The following ABCA8 variants were observed in gnomAD, a reference collection of about 807,000 sequenced individuals.
ABCA8 encodes the protein ATP binding cassette subfamily A member 8.
Under a neutral mutation model 192.3 loss-of-function variants are expected in ABCA8, and 177 were observed. That is an observed-to-expected ratio of 0.92 (90% confidence interval 0.81 to 1.04). ABCA8 has a LOEUF of 1.04. Among genes scored for constraint, ABCA8 ranks in the 50% least tolerant of loss-of-function variants. ABCA8 has a pLI of 0.00. For synonymous variants in ABCA8, 642 were observed against 690.2 expected (o/e 0.93, Z 1.09); for missense variants, 1,915 against 1,904.8 (o/e 1.01, Z -0.10).
At chr17:68,919,600 C>A in intron 13 of ABCA8, 124 bp from the exon 14 acceptor site, 1 of 831,426 alleles carries the variant, frequency 1.2e-6, no homozygotes, top group Non-Finnish European at 1.8e-6. Context: ...TTAGAAACTT[C>A]TACTTTAGTT....
intron 10 of ABCA8, among the ~76,000 whole-genome samples, chr17:68,925,638 C>T (rs536776341): frequency 6.6e-6 from 1 of 152,322 alleles, no homozygotes; most frequent in South Asian, 2.1e-4. Context: ...GTATTTCTCA[C>T]ATGTTCAGTC....
At chr17:68,914,363 G>A (rs180800730) in intron 17 of ABCA8, among the ~76,000 whole-genome samples, 1 of 152,044 alleles carries the variant, frequency 6.6e-6, no homozygotes, top group East Asian at 1.9e-4. Context: ...TCATCCTTGT[G>A]GGCAAATGAT....
chr17:68,917,776 T>C (rs1043577494), intron 16 of ABCA8, among the ~76,000 whole-genome samples: 1 of 152,218 alleles, frequency 6.6e-6, no homozygotes, highest in African/African-American at 2.4e-5. Context: ...GTAAAAGGAT[T>C]GATCTCTTAG....
chr17:68,932,221 G>T, intron 7 of ABCA8, 67 bp downstream of exon 7: 1 of 1,186,500 alleles, frequency 8.4e-7, no homozygotes, highest in Non-Finnish European at 1.2e-6. Context: ...AAAAAAAAAA[G>T]ATGCATTGAA....
chr17:68,927,694 G>A (rs1443208048), intron 10 of ABCA8, among the ~76,000 whole-genome samples: 1 of 152,066 alleles, frequency 6.6e-6, no homozygotes, highest in Non-Finnish European at 1.5e-5. Flanking sequence ...TCAAATGAAG[G>A]TTAGTGATTC....
intron 31 of ABCA8, 121 bp downstream of exon 31, chr17:68,881,742 T>C (rs2066340914): frequency 5.6e-6 from 4 of 711,342 alleles, no homozygotes; most frequent in African/African-American, 1.8e-5. Flanking sequence ...GAAGCTGTCA[T>C]TGTCATTCTC....
intron 37 of ABCA8, among the ~76,000 whole-genome samples, chr17:68,872,979 A>C (rs1293469831): frequency 6.6e-6 from 1 of 152,230 alleles, no homozygotes; most frequent in Non-Finnish European, 1.5e-5. Flanking sequence ...ACTAAGGTTA[A>C]TTTATTAAAT....
intron 25 of ABCA8, 63 bp from the exon 26 acceptor site, chr17:68,887,193 A>G (rs2066484616): frequency 1.4e-6 from 2 of 1,387,148 alleles, no homozygotes; most frequent in South Asian, 1.4e-5. Context: ...AATATTTAGG[A>G]TTCAAAACAT....
At chr17:68,884,669 T>C in intron 27 of ABCA8, 3 of 1,144,526 alleles carry the variant, frequency 2.6e-6, no homozygotes, top group Non-Finnish European at 3.2e-6. Context: ...GAGACAGTGT[T>C]TATTCTTCTC....
chr17:68,931,615 TTTATC>T (rs1374118699), intron 7 of ABCA8: 5 of 152,192 alleles, frequency 3.3e-5, no homozygotes, highest in African/African-American at 1.2e-4. Context: ...TCTGTCCCCT[TTTATC>T]TTATTTCCTA....
At chr17:68,898,483 A>C (rs1417865408) in intron 21 of ABCA8, among the ~76,000 whole-genome samples, 1 of 152,196 alleles carries the variant, frequency 6.6e-6, no homozygotes, top group Non-Finnish European at 1.5e-5. Context: ...ACTGAAAGCA[A>C]ATAACCCCAG....
chr17:68,916,202 G>A (rs1338398754), intron 17 of ABCA8, among the ~76,000 whole-genome samples: 1 of 151,992 alleles, frequency 6.6e-6, no homozygotes, highest in Non-Finnish European at 1.5e-5. Context: ...TCTAGTATTT[G>A]ATAGCACATT....
chr17:68,909,456 G>T (rs898649089), intron 17 of ABCA8, among the ~76,000 whole-genome samples: 4 of 152,154 alleles, frequency 2.6e-5, no homozygotes, highest in Admixed American at 1.3e-4. Flanking sequence ...AGAAAATAAG[G>T]CAATTGCACA....
chr17:68,896,799 TA>T (rs1489892551), intron 21 of ABCA8, among the ~76,000 whole-genome samples: 5 of 152,164 alleles, frequency 3.3e-5, no homozygotes, highest in African/African-American at 1.2e-4. Context: ...AAGGAAACAA[TA>T]AAAAAATTGT....
rs1344465458 is a variant in ABCA8 at position 68,875,644 on chromosome 17, C to T, written c.4460G>A (p.Arg1487Gln). 17 of 1,614,012 alleles carry T rather than the reference C, an allele frequency of 1.1e-5. No individual in the cohort carries two copies. Among genetic ancestry groups the T allele is most frequent in the Admixed American group, 1.7e-5 (1 of 60,002 alleles). ...CCTCCCAGATACCATGATGGCCACT[C>T]GGTCACACACGGCCTCAGCCTCTGC... The part of the protein sequence containing the change: ...YMAEAEAVCD[R>Q]VAIMVSGRLR... Residue 1487 changes from arginine to glutamine, a missense_variant, in exon 36 of 40, where the codon CGA (arginine) becomes CAA (glutamine). Physicochemically the swap from Arg to Gln is conservative, Grantham distance 43. Transcript: ENST00000586539.
rs370830810 is a variant in ABCA8, at chr17:68,887,906, A to ATATATATATATATATATATATATC, written c.3145-401_3145-400insGATATATATATATATATATATATA. 3.3e-5 allele frequency among the ~76,000 whole-genome samples: 2 copies of ATATATATATATATATATATATATC among 60,884 alleles called. 1 individual carries two copies. The highest frequency in any genetic ancestry group is 1.9e-4 in the African/African-American group (2 of 10,558). 39.9% of individuals were successfully genotyped at this position (60,884 alleles called of 152,430 possible). A position where few individuals can be genotyped will look rare whatever the true frequency, so the allele number is the denominator to read the frequency against. ...CATATATATATATATATATATATAT[A>ATATATATATATATATATATATATC]TCCATATATATATATATATTATATA... is the stretch of plus-strand genomic sequence containing the variant. On this transcript the variant is annotated intron_variant, in intron 24 of 39. Transcript: ENST00000586539.
intron 11 of ABCA8, among the ~76,000 whole-genome samples, chr17:68,923,972 G>C (rs777939930): frequency 1.3e-5 from 2 of 152,144 alleles, no homozygotes; most frequent in Non-Finnish European, 2.9e-5. Flanking sequence ...AATTCCCTTT[G>C]TATCTACCTC....
At chr17:68,895,042 C>A in intron 21 of ABCA8, 29 bp from the exon 22 acceptor site, 2 of 1,539,396 alleles carry the variant, frequency 1.3e-6, no homozygotes, top group South Asian at 2.7e-5. Flanking sequence ...TATTAGGTAT[C>A]ACAAAACTAA....
intron 23 of ABCA8, among the ~76,000 whole-genome samples, chr17:68,892,724 G>T (rs1598209940): frequency 6.6e-6 from 1 of 152,208 alleles, no homozygotes; most frequent in African/African-American, 2.4e-5. Flanking sequence ...TACTTGGTGG[G>T]TCCCTAAAAT....
Sources: allele counts gnomAD v4.1 joint callset (sites outside exome capture counted in the v4.1 genomes callset), GRCh38; gene constraint gnomAD v4.1.1; transcripts MANE v1.5; gene names NCBI Gene and HGNC (gene_info 2026-07-23, HGNC 2026-07-21).